RIMS2: variants seen among roughly 807,000 people sequenced by gnomAD.
RIMS2 encodes regulating synaptic membrane exocytosis protein 2.
RIMS2 carries 59 observed loss-of-function variants against 174.4 expected under a neutral mutation model. The ratio of observed to expected loss-of-function variants is 0.34; its 90% CI spans 0.27 to 0.42. The LOEUF is 0.42. Among genes scored for constraint, RIMS2 ranks in the 10% least tolerant of loss-of-function variants. The probability of loss-of-function intolerance (pLI) is 1.00; values close to 1 mark genes in which losing one functional copy is unlikely to be tolerated. For missense variants in RIMS2, 1,620 were observed against 1,666.3 expected, an observed-to-expected ratio of 0.97 and a Z score of 0.48; for synonymous variants, 606 against 572.5, an observed-to-expected ratio of 1.06 and a Z score of -0.84.
At chr8:104,068,547 A>C (rs1258034391) in intron 19 of RIMS2, 14 of 1,569,202 alleles carry the variant, frequency 8.9e-6, no homozygotes, top group Non-Finnish European at 1.2e-5. Context: ...TCGCCAAATG[A>C]AAATTAACAA....
intron 19 of RIMS2, among the ~76,000 whole-genome samples, chr8:104,033,724 T>TA (rs1004033180): frequency 6.6e-6 from 1 of 151,928 alleles, no homozygotes; most frequent in Non-Finnish European, 1.5e-5. Context: ...TCTAAGGCAG[T>TA]AAAAACAATG....
chr8:103,938,757 A>G (rs1284963221), intron 13 of RIMS2, among the ~76,000 whole-genome samples: 1 of 152,236 alleles, frequency 6.6e-6, no homozygotes, highest in Non-Finnish European at 1.5e-5. Context: ...GTTACTTCCT[A>G]GATACAATGG....
intron 3 of RIMS2, among the ~76,000 whole-genome samples, chr8:103,870,312 C>T (rs1375042164): frequency 6.6e-6 from 1 of 151,538 alleles, no homozygotes; most frequent in Non-Finnish European, 1.5e-5. Context: ...TGTAAAGTAC[C>T]CACAACTCAG....
rs578184137 is a variant in RIMS2, at chr8:103,752,969, A to G, written c.388-13258A>G. Among the ~76,000 whole-genome samples, 538 of 151,914 alleles carry G rather than the reference A, an allele frequency of 3.5e-3. 3 individuals carry two copies. The highest frequency in any genetic ancestry group is 0.012 in the African/African-American group (509 of 41,462). On this transcript the variant is annotated intron_variant, in intron 2 of 23. Coordinates refer to ENST00000504942, the Ensembl canonical transcript of RIMS2. ...TGCCCTGGCCAGAACTTCCAACACT[A>G]TGTTGAATAGGAGTGGTGAGAGAGG...
At chr8:104,042,737 T>G (rs573682129) in intron 19 of RIMS2, among the ~76,000 whole-genome samples, 1 of 151,792 alleles carries the variant, frequency 6.6e-6, no homozygotes, top group Non-Finnish European at 1.5e-5. Flanking sequence ...TTAAGCCTCA[T>G]TTGAAATATT....
chr8:104,243,568 C>A (rs1363807612), intron 19 of RIMS2, among the ~76,000 whole-genome samples: 1 of 152,084 alleles, frequency 6.6e-6, no homozygotes, highest in Non-Finnish European at 1.5e-5. Context: ...CACCTGTAAT[C>A]CCAGCTACTT....
intron 15 of RIMS2, among the ~76,000 whole-genome samples, chr8:103,964,005 C>T (rs1487611779): frequency 6.6e-6 from 1 of 152,098 alleles, no homozygotes; most frequent in Non-Finnish European, 1.5e-5. Flanking sequence ...TTTGATAGCT[C>T]ATTTATTTTT....
intron 3 of RIMS2, among the ~76,000 whole-genome samples, chr8:103,876,375 T>G (rs1453664030): frequency 6.6e-6 from 1 of 150,502 alleles, no homozygotes; most frequent in Non-Finnish European, 1.5e-5. Flanking sequence ...TTCCCCAGTG[T>G]ATGGTTTTTT....
chr8:103,988,026 C>G (rs2094471428), intron 16 of RIMS2, among the ~76,000 whole-genome samples: 1 of 152,036 alleles, frequency 6.6e-6, no homozygotes, highest in African/African-American at 2.4e-5. Flanking sequence ...CCATAACAAT[C>G]AAAAGTTTGT....
At chr8:104,164,738 G>A (rs1415451445) in intron 19 of RIMS2, among the ~76,000 whole-genome samples, 1 of 152,134 alleles carries the variant, frequency 6.6e-6, no homozygotes, top group Non-Finnish European at 1.5e-5. Flanking sequence ...ACTTATAAGT[G>A]GAAGGTAAAT....
intron 19 of RIMS2, among the ~76,000 whole-genome samples, chr8:104,063,878 A>C (rs759371179): frequency 1.3e-5 from 2 of 152,132 alleles, no homozygotes; most frequent in Admixed American, 6.6e-5. Flanking sequence ...ATGCTCTTTC[A>C]GTCTCTCTCT....
chr8:103,586,134 C>G (rs906424061), intron 1 of RIMS2, among the ~76,000 whole-genome samples: 1 of 152,034 alleles, frequency 6.6e-6, no homozygotes, highest in African/African-American at 2.4e-5. Context: ...AGGTAGGCCC[C>G]AATACAATAA....
intron 15 of RIMS2, among the ~76,000 whole-genome samples, chr8:103,970,304 G>A: frequency 6.6e-6 from 1 of 152,092 alleles, no homozygotes; most frequent in East Asian, 1.9e-4. Context: ...TCTTTCTCCT[G>A]TGTGGAAAGC....
intron 19 of RIMS2, among the ~76,000 whole-genome samples, chr8:104,105,487 T>A (rs1401161669): frequency 1.3e-5 from 2 of 152,192 alleles, no homozygotes; most frequent in Non-Finnish European, 2.9e-5. Flanking sequence ...ACTTTCAGGG[T>A]GATCATTTCT....
At chr8:103,984,031 A>G (rs2154549571) in intron 16 of RIMS2, among the ~76,000 whole-genome samples, 1 of 152,128 alleles carries the variant, frequency 6.6e-6, no homozygotes, top group South Asian at 2.1e-4. Flanking sequence ...AAAAAATAGC[A>G]GGCGTGGTGG....
intron 19 of RIMS2, among the ~76,000 whole-genome samples, chr8:104,204,093 CA>C (rs1283961498): frequency 5.9e-5 from 9 of 151,920 alleles, no homozygotes; most frequent in Non-Finnish European, 1.3e-4. Flanking sequence ...AGATAAAACA[CA>C]GCAAAATAAT....
At chr8:103,505,647 G>A (rs1167007735) in intron 1 of RIMS2, among the ~76,000 whole-genome samples, 2 of 151,964 alleles carry the variant, frequency 1.3e-5, no homozygotes, top group Non-Finnish European at 2.9e-5. Context: ...TGGGCCAAAG[G>A]GTTAGTATAT....
At chr8:104,120,708 A>C (rs1432738387) in intron 19 of RIMS2, among the ~76,000 whole-genome samples, 3 of 152,204 alleles carry the variant, frequency 2.0e-5, no homozygotes, top group Non-Finnish European at 2.9e-5. Context: ...TACAACAGGC[A>C]GCAACTTAGA....
At chr8:103,526,645 G>A (rs1834124548) in intron 1 of RIMS2, among the ~76,000 whole-genome samples, 1 of 152,076 alleles carries the variant, frequency 6.6e-6, no homozygotes, top group South Asian at 2.1e-4. Flanking sequence ...GGTAATAAAT[G>A]AAATTAAGAA....
Sources: gnomAD v4.1 joint callset for allele counts (sites outside exome capture counted in the v4.1 genomes callset) on GRCh38, gnomAD v4.1.1 for gene constraint, MANE v1.5 for transcripts, NCBI Gene and HGNC (gene_info 2026-07-23, HGNC 2026-07-21) for gene names.